KRT82: variants seen among roughly 807,000 people sequenced by gnomAD.
KRT82 encodes the protein keratin 82.
Under a neutral mutation model 48.0 loss-of-function variants are expected in KRT82, and 44 were observed. That is an observed-to-expected ratio of 0.92 (90% CI 0.72 to 1.18). The LOEUF is 1.18. KRT82 is among the 50% of genes most tolerant of loss of function. The pLI, the probability that KRT82 is intolerant of heterozygous loss-of-function variation, is 0.00. For synonymous variants in KRT82, 297 were observed against 278.3 expected (o/e 1.07, Z -0.67); for missense variants, 701 against 671.4 (o/e 1.04, Z -0.49).
intron 5 of KRT82, among the ~76,000 whole-genome samples, chr12:52,399,006 GACAACACCTT>G (rs1939751546): frequency 6.6e-6 from 1 of 152,124 alleles, no homozygotes; most frequent in African/African-American, 2.4e-5. Flanking sequence ...TAGATCAAAT[GACAACACCTT>G]TGCCTTTGTG....
At position 52,394,287 on chromosome 12, in the gene KRT82, C is replaced by T. The variant is rs1325863546; in HGVS notation, c.*688G>A. On this transcript the variant is annotated 3_prime_UTR_variant, in exon 9 of 9. Transcript: ENST00000257974. ...AGTAAACATTCCATATCCCTTTGCCCTTTGTTCTAGGCATTGGCCTGACAT... is the reference window on the plus strand; with the variant it reads ...AGTAAACATTCCATATCCCTTTGCCTTTTGTTCTAGGCATTGGCCTGACAT... 6.6e-6 allele frequency: 1 copy of T among 152,536 alleles called. No individual in the cohort carries two copies. Among genetic ancestry groups the T allele is most frequent in the East Asian group, 1.9e-4 (1 of 5,198 alleles). 9.4% of individuals were successfully genotyped at this position (152,536 alleles called of 1,614,324 possible).
chr12:52,400,978 G>GTTGGCA (rs901822455), intron 3 of KRT82, among the ~76,000 whole-genome samples: 6 of 152,174 alleles, frequency 3.9e-5, no homozygotes, highest in African/African-American at 1.2e-4. Context: ...TTGGTTTGGC[G>GTTGGCA]TTGGCATCTG....
chr12:52,405,776 C>G (rs1476129376), intron 1 of KRT82, 91 bp downstream of exon 1: 1 of 1,348,234 alleles, frequency 7.4e-7, no homozygotes, highest in East Asian at 2.3e-5. Flanking sequence ...TCCTCAATGT[C>G]AGTCTCCTCC....
rs752767936 is a variant in KRT82, at chr12:52,403,916, C to G, written c.412-7G>C. 6.2e-7 allele frequency: 1 copy of G among 1,612,464 alleles called. No individual in the cohort carries two copies. The highest frequency in any genetic ancestry group is 8.5e-7 in the Non-Finnish European group (1 of 1,179,410). On this transcript the variant is annotated splice_polypyrimidine_tract_variant and splice_region_variant and intron_variant, in intron 1 of 8. Coordinates refer to ENST00000257974, the MANE Select transcript of KRT82 (RefSeq NM_033033.4). The stretch of plus-strand genomic sequence containing the variant: ...TCTGCTCCAGGAAACGGACCTGCAG[C>G]CAAGAATGGAATATCACCAGGCAGC...
In KRT82 at chr12:52,396,280, A is replaced by G. The variant is rs780266779; in HGVS notation, c.1069-48T>C. 4.5e-6 allele frequency: 7 copies of G among 1,548,450 alleles called. No homozygotes were observed. The Admixed American group carries it at 1.1e-4, about 25-fold the overall frequency. ...CATCACTGGGGGCCCTGGAGCCCCAAGCCAGACTCGCAGAAGAGCAGAGAG... is the reference window on the plus strand; with the variant it reads ...CATCACTGGGGGCCCTGGAGCCCCAGGCCAGACTCGCAGAAGAGCAGAGAG... On this transcript the variant is annotated intron_variant, in intron 6 of 8. Transcript: ENST00000257974.
rs10876286 is a variant in KRT82, at chr12:52,396,410, C to A, written c.1069-178G>T. On this transcript the variant is annotated intron_variant, in intron 6 of 8. Coordinates refer to ENST00000257974, the MANE Select transcript of KRT82 (RefSeq NM_033033.4). ...TGGGATGGGTTTTCTGTCTAAAATACCTCCAAGAGAGCGGGGATTTTCCTC... is the reference window on the plus strand; with the variant it reads ...TGGGATGGGTTTTCTGTCTAAAATAACTCCAAGAGAGCGGGGATTTTCCTC... 0.074 allele frequency among the ~76,000 whole-genome samples: 11,275 copies of A among 152,230 alleles called. 1,097 individuals carry two copies. Among genetic ancestry groups the A allele is most frequent in the East Asian group, 0.51 (2,617 of 5,158 alleles).
At chr12:52,399,821 G>C (rs1047933299) in intron 5 of KRT82, among the ~76,000 whole-genome samples, 164 bp downstream of exon 5, 7 of 152,198 alleles carry the variant, frequency 4.6e-5, no homozygotes, top group Non-Finnish European at 8.8e-5. Flanking sequence ...CTGGGGCCTG[G>C]CAGAAACAAC....
intron 2 of KRT82, chr12:52,402,120 C>G (rs1248354116): frequency 2.0e-5 from 3 of 152,246 alleles, no homozygotes; most frequent in Admixed American, 2.0e-4. Context: ...TGCACAGCTT[C>G]GTCATCCATA....
chr12:52,395,866 G>A lies in KRT82; in HGVS notation c.1290-76C>T, dbSNP rs545393253. ...GTAAATGCAGCATCTCCCCGCTCCC[G>A]CCCTCATTGTGGACCATGTGCTGCT... On this transcript the variant is annotated intron_variant, in intron 7 of 8. Coordinates refer to ENST00000257974, the MANE Select transcript of KRT82 (RefSeq NM_033033.4). 47 of 1,464,358 alleles carry A rather than the reference G, an allele frequency of 3.2e-5. No individual in the cohort carries two copies. In the South Asian group the frequency reaches 4.1e-4, roughly 13 times the overall value. 90.7% of individuals were successfully genotyped at this position (1,464,358 alleles called of 1,614,324 possible). A position where few individuals can be genotyped will look rare whatever the true frequency, so the allele number is the denominator to read the frequency against.
At chr12:52,404,005 A>G in intron 1 of KRT82, 96 bp from the exon 2 acceptor site, 2 of 1,206,078 alleles carry the variant, frequency 1.7e-6, no homozygotes. Context: ...GTCTCCCAAC[A>G]CATGGCTACC....
chr12:52,405,348 G>A (rs1470796029), intron 1 of KRT82, among the ~76,000 whole-genome samples: 1 of 152,212 alleles, frequency 6.6e-6, no homozygotes, highest in Non-Finnish European at 1.5e-5. Flanking sequence ...GATGACAGAT[G>A]TAAGACTTTT....
chr12:52,404,790 T>G (rs1407039457), intron 1 of KRT82, among the ~76,000 whole-genome samples: 1 of 152,244 alleles, frequency 6.6e-6, no homozygotes, highest in Non-Finnish European at 1.5e-5. Flanking sequence ...GAAATAAAAC[T>G]GTAAGTTTGA....
At chr12:52,401,417 G>A in intron 2 of KRT82, 68 bp from the exon 3 acceptor site, 1 of 1,472,960 alleles carries the variant, frequency 6.8e-7, no homozygotes, top group South Asian at 1.1e-5. Flanking sequence ...CTTGGCATCA[G>A]GCCTTTGGGG....
chr12:52,399,508 G>GC (rs1019317367), intron 5 of KRT82, among the ~76,000 whole-genome samples: 34 of 152,192 alleles, frequency 2.2e-4, no homozygotes, highest in Middle Eastern at 3.4e-3. Flanking sequence ...TACCCTTAGG[G>GC]CCCCCCTGCC....
intron 1 of KRT82, 97 bp downstream of exon 1, chr12:52,405,770 C>T: frequency 7.7e-7 from 1 of 1,305,060 alleles, no homozygotes; most frequent in South Asian, 1.5e-5. Context: ...GAGGCCTCCT[C>T]AATGTCAGTC....
intron 5 of KRT82, among the ~76,000 whole-genome samples, chr12:52,397,971 T>C (rs1286746959): frequency 6.6e-6 from 1 of 152,114 alleles, no homozygotes; most frequent in Non-Finnish European, 1.5e-5. Context: ...CACTTGAACC[T>C]GGGAGGCAGA....
intron 1 of KRT82, among the ~76,000 whole-genome samples, chr12:52,404,909 G>A (rs1939832672): frequency 6.6e-6 from 1 of 152,222 alleles, no homozygotes; most frequent in African/African-American, 2.4e-5. Context: ...GCCAAGAGGT[G>A]AATGGCTTGC....
In KRT82 at chr12:52,400,536, C is replaced by T. The variant is rs745627073; in HGVS notation, c.768G>A (p.Leu256=). The change falls in exon 4 of 9, where the codon CTG becomes CTA. Residue 256 remains leucine, a synonymous_variant. Coordinates refer to ENST00000257974, the MANE Select transcript of KRT82 (RefSeq NM_033033.4). ...LVQEIDFLKS[L]YEEEICLLQS... is the part of the protein sequence containing the mutation. ...TCAGGGCTGTGGGTACCTCCTCATA[C>T]AGGCTTTTCAGGAAGTCGATCTCCT... is the stretch of plus-strand genomic sequence containing the variant. The T allele has an allele frequency of 3.1e-6, 5 of 1,613,602 alleles. No individual in the cohort carries two copies. Among genetic ancestry groups the T allele is most frequent in the East Asian group, 2.2e-5 (1 of 44,882 alleles).
chr12:52,395,913 G>A, intron 7 of KRT82, 99 bp downstream of exon 7: 1 of 1,512,338 alleles, frequency 6.6e-7, no homozygotes, highest in Non-Finnish European at 9.0e-7. Context: ...ATGAATGTGG[G>A]TAGGGGACGG....
Sources: allele counts gnomAD v4.1 joint callset (sites outside exome capture counted in the v4.1 genomes callset), GRCh38; gene constraint gnomAD v4.1.1; transcripts MANE v1.5; gene names NCBI Gene and HGNC (gene_info 2026-07-23, HGNC 2026-07-21).